Variants in KLF17 observed in about 807,000 individuals in gnomAD.
KLF17 encodes the protein KLF transcription factor 17, also known as Krueppel-like factor 17.
Under a neutral mutation model 34.2 loss-of-function variants are expected in KLF17, and 31 were observed. That is an observed-to-expected ratio of 0.91 (90% confidence interval 0.68 to 1.22). KLF17 has a LOEUF of 1.22. Among genes scored for constraint, KLF17 ranks in the 50% most tolerant of loss-of-function variants. The pLI is 0.00. For synonymous variants in KLF17, 179 were observed against 186.7 expected, an observed-to-expected ratio of 0.96 and a Z score of 0.34; for missense variants, 478 against 505.2, an observed-to-expected ratio of 0.95 and a Z score of 0.52.
At chr1:44,114,937 G>A (rs536812741), upstream of KLF17, 1 of 152,156 alleles carries the variant, frequency 6.6e-6, no homozygotes, top group African/African-American at 2.4e-5. Context: ...TTTGGAGAAT[G>A]CTTGGTTATA....
At chr1:44,101,638 G>C in the KLF17 span, 1 of 152,140 alleles carries the variant, frequency 6.6e-6, no homozygotes, top group East Asian at 1.9e-4. Context: ...CTTTTTACTG[G>C]TGATGTTAAC....
At chr1:44,063,918 G>A in the KLF17 span, among the ~76,000 whole-genome samples, 35 of 152,296 alleles carry the variant, frequency 2.3e-4, 1 homozygote, top group South Asian at 5.0e-3. Context: ...GGAAGCCAGA[G>A]CCAACTCTGG....
chr1:44,104,189 G>A, the KLF17 span: 1 of 1,076,162 alleles, frequency 9.3e-7, no homozygotes, highest in African/African-American at 1.5e-5. Context: ...CCTTCTTGAT[G>A]AGGACAAATT....
chr1:44,078,834 C>G, the KLF17 span, among the ~76,000 whole-genome samples: 1 of 152,108 alleles, frequency 6.6e-6, no homozygotes, highest in Admixed American at 6.5e-5. Context: ...CACCAGTGCC[C>G]CAGTGGACCG....
At chr1:44,044,883 C>T in the KLF17 span, 3 of 152,256 alleles carry the variant, frequency 2.0e-5, no homozygotes, top group Non-Finnish European at 4.4e-5. Context: ...GGGACACATC[C>T]AGGTTTTCCT....
chr1:44,099,201 C>T, the KLF17 span, among the ~76,000 whole-genome samples: 2 of 150,938 alleles, frequency 1.3e-5, no homozygotes, highest in Admixed American at 6.6e-5. Flanking sequence ...TTCAGGAGTT[C>T]GAGACCAGCC....
At chr1:44,078,669 C>T in the KLF17 span, among the ~76,000 whole-genome samples, 1 of 152,144 alleles carries the variant, frequency 6.6e-6, no homozygotes, top group African/African-American at 2.4e-5. Flanking sequence ...ATCTCCTGAC[C>T]TCATGATCTG....
At chr1:44,092,067 G>A in the KLF17 span, among the ~76,000 whole-genome samples, 1 of 150,292 alleles carries the variant, frequency 6.7e-6, no homozygotes, top group South Asian at 2.1e-4. Flanking sequence ...TTTGGGTCAG[G>A]TGCAGTGGCT....
the KLF17 span, among the ~76,000 whole-genome samples, chr1:44,094,777 G>C: frequency 6.6e-6 from 1 of 152,136 alleles, no homozygotes; most frequent in Admixed American, 6.5e-5. Context: ...CAGGTAATGT[G>C]ATGCTTCCAG....
chr1:44,104,890 TA>T, the KLF17 span: 188 of 146,956 alleles, frequency 1.3e-3, no homozygotes, highest in Non-Finnish European at 1.7e-3. Flanking sequence ...TATATAAATG[TA>T]AAAAAAAAAA....
the KLF17 span, among the ~76,000 whole-genome samples, chr1:44,064,397 C>A: frequency 6.6e-6 from 1 of 152,168 alleles, no homozygotes; most frequent in African/African-American, 2.4e-5. Context: ...ACTTTCTATG[C>A]AAATCCATAG....
the KLF17 span, among the ~76,000 whole-genome samples, chr1:44,084,712 G>A: frequency 6.7e-6 from 1 of 149,866 alleles, no homozygotes; most frequent in East Asian, 2.0e-4. Context: ...GATTGGTGGT[G>A]ACTGCATAAG....
chr1:44,046,499 G>A, the KLF17 span, among the ~76,000 whole-genome samples: 14 of 149,914 alleles, frequency 9.3e-5, no homozygotes, highest in Admixed American at 8.7e-4. Context: ...GCAATTACAG[G>A]CATGGTCTGC....
At chr1:44,092,900 T>G in the KLF17 span, among the ~76,000 whole-genome samples, 1 of 152,192 alleles carries the variant, frequency 6.6e-6, no homozygotes, top group East Asian at 1.9e-4. Context: ...GAAAACCATC[T>G]TGAAACCAAA....
At chr1:44,106,054 G>A in the KLF17 span, among the ~76,000 whole-genome samples, 1 of 152,154 alleles carries the variant, frequency 6.6e-6, no homozygotes, top group South Asian at 2.1e-4. Context: ...GGAAAAGCAA[G>A]CAAGCAAGCC....
At chr1:44,124,786 G>A (rs1417336518) in intron 1 of KLF17, among the ~76,000 whole-genome samples, 1 of 152,132 alleles carries the variant, frequency 6.6e-6, no homozygotes, top group Non-Finnish European at 1.5e-5. Flanking sequence ...GTGAGCTGCT[G>A]TGCCTGGCCC....
the KLF17 span, among the ~76,000 whole-genome samples, chr1:44,093,377 T>C: frequency 6.6e-6 from 1 of 152,132 alleles, no homozygotes. Context: ...TGGAAGCTTC[T>C]TATGAGTCTT....
At chr1:44,066,827 A>C in the KLF17 span, among the ~76,000 whole-genome samples, 104 of 152,314 alleles carry the variant, frequency 6.8e-4, no homozygotes, top group African/African-American at 2.4e-3. Flanking sequence ...GGAATATGAC[A>C]CAGCAGTAAA....
At chr1:44,127,692 T>TTCTTTTCTTTCTTTCTTTCTTTC (rs753421834) in intron 1 of KLF17, among the ~76,000 whole-genome samples, 17 of 90,172 alleles carry the variant, frequency 1.9e-4, no homozygotes, top group African/African-American at 8.3e-4. Context: ...CTTTCTTTCT[T>TTCTTTTCTTTCTTTCTTTCTTTC]TTTCTTTCTT....
Sources: gnomAD v4.1 joint callset for allele counts (sites outside exome capture counted in the v4.1 genomes callset) on GRCh38, gnomAD v4.1.1 for gene constraint, MANE v1.5 for transcripts, NCBI Gene and HGNC (gene_info 2026-07-23, HGNC 2026-07-21) for gene names.